MCOLN3: variants seen among roughly 807,000 people sequenced by gnomAD.
MCOLN3 encodes mucolipin-3.
In MCOLN3, 62 loss-of-function variants were observed where a neutral mutation model predicts 69.4. The ratio of observed to expected loss-of-function variants is 0.89; its 90% confidence interval spans 0.73 to 1.10. The LOEUF is 1.10. MCOLN3 is among the 50% of genes least tolerant of loss of function. The probability of loss-of-function intolerance (pLI) is 0.00; values close to 1 mark genes in which losing one functional copy is unlikely to be tolerated. For synonymous variants in MCOLN3, 183 were observed against 217.0 expected (o/e 0.84, Z 1.38); for missense variants, 564 against 656.4 (o/e 0.86, Z 1.54).
chr1:85,018,227 T>G lies in MCOLN3; in HGVS notation c.*896A>C, dbSNP rs868112853. The G allele has an allele frequency of 6.6e-6, 1 of 152,170 alleles. No homozygotes were observed. Among genetic ancestry groups the G allele is most frequent in the South Asian group, 2.1e-4 (1 of 4,818 alleles). The allele number at this position is 152,170 out of a possible 1,614,324, so 9.4% of individuals were successfully genotyped here. ...AACTAAAAGCAGAATCAAGTAACAG[T>G]TGGCTTTCATAACCAAATACAGTCA... On this transcript the variant is annotated 3_prime_UTR_variant, in exon 13 of 13. Transcript: ENST00000370589.
At chr1:85,042,250 T>G (rs1449409384) in intron 2 of MCOLN3, among the ~76,000 whole-genome samples, 1 of 152,198 alleles carries the variant, frequency 6.6e-6, no homozygotes, top group African/African-American at 2.4e-5. Context: ...GTTGATACAG[T>G]GAAAACTGAA....
intron 2 of MCOLN3, 109 bp from the exon 3 acceptor site, chr1:85,041,286 T>C: frequency 1.2e-6 from 1 of 859,890 alleles, no homozygotes; most frequent in Admixed American, 3.3e-5. Context: ...AAATGAATTC[T>C]CTGGGACATC....
chr1:85,032,125 G>A (rs1652562689), intron 6 of MCOLN3, among the ~76,000 whole-genome samples: 1 of 152,068 alleles, frequency 6.6e-6, no homozygotes, highest in Non-Finnish European at 1.5e-5. Context: ...TATATTGTGG[G>A]TTTATAACAC....
intron 1 of MCOLN3, among the ~76,000 whole-genome samples, chr1:85,046,801 T>C (rs935670911): frequency 1.3e-5 from 2 of 152,192 alleles, no homozygotes; most frequent in Non-Finnish European, 2.9e-5. Context: ...ATAAAACATA[T>C]TTACTGTATG....
At chr1:85,023,967 G>T (rs1328135695) in intron 9 of MCOLN3, among the ~76,000 whole-genome samples, 1 of 152,152 alleles carries the variant, frequency 6.6e-6, no homozygotes, top group Non-Finnish European at 1.5e-5. Context: ...GGACTTATCA[G>T]CATGAGAGGA....
rs762543844 is a variant in MCOLN3, at chr1:85,022,323, G to T, written c.1173C>A (p.Tyr391Ter). Residue 391 changes from tyrosine (Y) to a stop codon, truncating the protein, a stop_gained, in exon 10 of 13, where the codon TAC becomes TAA. Transcript: ENST00000370589. LOFTEE classifies it high-confidence loss of function. ...CGTTGTACTTTGCAAAGAAACCGAG[G>T]TATCGGATGACTCCAAGCCACACGA... ...TMLVWLGVIRYLGFFAKYNLL... is the reference protein window; with the variant it reads ...TMLVWLGVIR 1.2e-6 allele frequency: 2 copies of T among 1,613,876 alleles called. No individual in the cohort carries two copies. Among genetic ancestry groups the T allele is most frequent in the East Asian group, 4.5e-5 (2 of 44,880 alleles).
At chr1:85,042,736 G>T (rs1156745084) in intron 2 of MCOLN3, among the ~76,000 whole-genome samples, 2 of 152,186 alleles carry the variant, frequency 1.3e-5, no homozygotes, top group East Asian at 1.9e-4. Flanking sequence ...TTTTAGTAGG[G>T]TGTCTATCAT....
At chr1:85,026,334 G>A (rs761971487) in intron 7 of MCOLN3, 50 bp from the exon 8 acceptor site, 1 of 1,159,310 alleles carries the variant, frequency 8.6e-7, no homozygotes, top group Non-Finnish European at 1.3e-6. Flanking sequence ...ACATTAATAT[G>A]GTGACATCTT....
intron 7 of MCOLN3, among the ~76,000 whole-genome samples, chr1:85,027,918 CA>C (rs376958715): frequency 2.6e-5 from 4 of 151,462 alleles, no homozygotes; most frequent in African/African-American, 9.7e-5. Context: ...TCTCTGCTGA[CA>C]AAAAAAAGAA....
At chr1:85,028,110 G>A (rs775974899) in intron 7 of MCOLN3, among the ~76,000 whole-genome samples, 2 of 152,122 alleles carry the variant, frequency 1.3e-5, no homozygotes, top group Non-Finnish European at 2.9e-5. Flanking sequence ...TGGTGTTTGT[G>A]GAGAATGATT....
At chr1:85,022,849 G>A in intron 9 of MCOLN3, 1 of 166,014 alleles carries the variant, frequency 6.0e-6, no homozygotes, top group Non-Finnish European at 1.3e-5. Context: ...CAATAGAAAG[G>A]GTATACAGTT....
At chr1:85,046,277 G>C (rs1401101937) in intron 1 of MCOLN3, among the ~76,000 whole-genome samples, 1 of 142,178 alleles carries the variant, frequency 7.0e-6, no homozygotes, top group Non-Finnish European at 1.5e-5. Context: ...TATATTTATA[G>C]CATATTTTCA....
Position 85,021,252 on chromosome 1 carries a change from CAG to C in MCOLN3, c.1343_1344del (p.Ser448Ter), listed in dbSNP as rs1651923054. On this transcript the variant is annotated frameshift_variant, in exon 12 of 13. Coordinates refer to ENST00000370589, the MANE Select transcript of MCOLN3 (RefSeq NM_018298.11). LOFTEE classifies it high-confidence loss of function. Reference sequence around the variant, plus strand: ...CCATTTATCAGAGAGAAAAGGCACTCAGAGACCATGTTCAGAGAACGAAACTG... The same window carrying C: ...CCATTTATCAGAGAGAAAAGGCACTCAGACCATGTTCAGAGAACGAAACTG... ...HDKFRSLNMV[S>X]ECLFSLINGD... The C allele has an allele frequency of 1.9e-6, 3 of 1,613,058 alleles. No homozygotes were observed. Among genetic ancestry groups the C allele is most frequent in the Non-Finnish European group, 2.5e-6 (3 of 1,179,680 alleles).
At chr1:85,025,588 TAA>T (rs34065139) in intron 9 of MCOLN3, 1,736 of 157,860 alleles carry the variant, frequency 0.011, no homozygotes, top group Middle Eastern at 0.027. Flanking sequence ...CTTGTAAGAT[TAA>T]AAAAAAAAAA....
At chr1:85,044,520 T>C (rs1020823961) in intron 2 of MCOLN3, among the ~76,000 whole-genome samples, 1 of 152,174 alleles carries the variant, frequency 6.6e-6, no homozygotes, top group African/African-American at 2.4e-5. Context: ...CCAGTATATA[T>C]TAAGAATCAC....
chr1:85,020,445 G>A (rs1218932250), intron 12 of MCOLN3, among the ~76,000 whole-genome samples: 2 of 152,156 alleles, frequency 1.3e-5, no homozygotes, highest in Non-Finnish European at 2.9e-5. Context: ...AAACATATAT[G>A]GATATTTATT....
intron 3 of MCOLN3, among the ~76,000 whole-genome samples, chr1:85,036,223 G>A (rs560327686): frequency 1.4e-4 from 21 of 152,168 alleles, no homozygotes; most frequent in Non-Finnish European, 2.8e-4. Context: ...AGGGAGTCTC[G>A]CTCTGTCACC....
At chr1:85,043,853 T>G (rs1352654400) in intron 2 of MCOLN3, among the ~76,000 whole-genome samples, 3 of 152,082 alleles carry the variant, frequency 2.0e-5, no homozygotes, top group African/African-American at 7.2e-5. Flanking sequence ...TTTTTTTTTT[T>G]TTTGAGACAA....
At chr1:85,044,646 C>A (rs1314354105) in intron 2 of MCOLN3, among the ~76,000 whole-genome samples, 1 of 152,218 alleles carries the variant, frequency 6.6e-6, no homozygotes, top group Non-Finnish European at 1.5e-5. Context: ...CCTGCCACTC[C>A]TCTTCTGTTA....
Sources: gnomAD v4.1 joint callset for allele counts (sites outside exome capture counted in the v4.1 genomes callset) on GRCh38, gnomAD v4.1.1 for gene constraint, MANE v1.5 for transcripts, NCBI Gene and HGNC (gene_info 2026-07-23, HGNC 2026-07-21) for gene names.